SCFD2: variants seen among roughly 807,000 people sequenced by gnomAD.
SCFD2 encodes the protein sec1 family domain containing 2.
SCFD2 carries 54 observed loss-of-function variants against 58.9 expected under a neutral mutation model. The observed-to-expected ratio is 0.92, with a 90% CI of 0.74 to 1.15. The LOEUF is 1.15. Ranked by LOEUF, SCFD2 falls within the 50% of genes most tolerant of loss-of-function variation. The probability of loss-of-function intolerance (pLI) is 0.00; values close to 1 mark genes in which losing one functional copy is unlikely to be tolerated. For missense variants in SCFD2, 805 were observed against 836.6 expected (o/e 0.96, Z 0.47); for synonymous variants, 321 against 335.9 (o/e 0.96, Z 0.49).
chr4:53,225,985 A>G (rs1729200571), intron 4 of SCFD2, among the ~76,000 whole-genome samples: 1 of 152,138 alleles, frequency 6.6e-6, no homozygotes. Context: ...TTAACAGTAT[A>G]GAAATTTGAT....
chr4:53,242,900 C>A (rs1560406327), intron 4 of SCFD2, among the ~76,000 whole-genome samples: 1 of 152,204 alleles, frequency 6.6e-6, no homozygotes, highest in Middle Eastern at 3.4e-3. Context: ...TGAAGACAGG[C>A]TTTCTGAAAT....
chr4:53,254,527 T>C (rs1054114392), intron 4 of SCFD2, among the ~76,000 whole-genome samples: 1 of 151,464 alleles, frequency 6.6e-6, no homozygotes, highest in East Asian at 1.9e-4. Context: ...TTAGTAGAGA[T>C]GGGGTTTCAC....
chr4:53,211,646 T>C (rs1728616333), intron 4 of SCFD2, among the ~76,000 whole-genome samples: 1 of 152,072 alleles, frequency 6.6e-6, no homozygotes. Context: ...CCAAATTGGA[T>C]GATGCTCAGC....
rs1192562197 is a variant in SCFD2 at position 53,352,414 on chromosome 4, T to C, written c.1007+184A>G. 2.6e-5 allele frequency among the ~76,000 whole-genome samples: 4 copies of C among 152,238 alleles called. No homozygotes were observed. In the East Asian group the frequency reaches 5.8e-4, roughly 22 times the overall value. The stretch of plus-strand genomic sequence containing the variant: ...ATAAAATTCCATACTTTCTGGATTA[T>C]TATGTTTAGTGGATGTGGTTATTTC... On this transcript the variant is annotated intron_variant, in intron 2 of 8. Transcript: ENST00000401642.
chr4:53,298,319 G>A lies in SCFD2; in HGVS notation c.1135+15317C>T, dbSNP rs140336354. Among the ~76,000 whole-genome samples, 1,384 of 152,276 alleles carry A rather than the reference G, an allele frequency of 9.1e-3. 11 individuals carry two copies. Among genetic ancestry groups the A allele is most frequent in the Middle Eastern group, 0.085 (25 of 294 alleles). On this transcript the variant is annotated intron_variant, in intron 3 of 8. Coordinates refer to ENST00000401642, the MANE Select transcript of SCFD2 (RefSeq NM_152540.4). ...TTATATCCGGCACCTGGCTCAGAGG[G>A]TCCTATACCCATGGAGCCTCGCTCA...
intron 3 of SCFD2, among the ~76,000 whole-genome samples, chr4:53,303,524 C>A (rs1732405032): frequency 6.6e-6 from 1 of 152,248 alleles, no homozygotes; most frequent in South Asian, 2.1e-4. Flanking sequence ...CTAGTGCAAC[C>A]ATTGTGGAAG....
chr4:53,153,152 C>T (rs1726562613), intron 4 of SCFD2, among the ~76,000 whole-genome samples: 1 of 152,196 alleles, frequency 6.6e-6, no homozygotes, highest in Admixed American at 6.5e-5. Context: ...GAGAGTGTCC[C>T]AGTGTGGAAT....
intron 5 of SCFD2, among the ~76,000 whole-genome samples, chr4:52,984,700 G>T (rs910407541): frequency 6.6e-5 from 10 of 152,188 alleles, no homozygotes; most frequent in African/African-American, 2.4e-4. Context: ...GTCGGCAGAG[G>T]CCTGAAGTCA....
intron 5 of SCFD2, among the ~76,000 whole-genome samples, chr4:53,051,053 C>T (rs988709539): frequency 9.2e-5 from 14 of 152,148 alleles, no homozygotes; most frequent in Admixed American, 5.9e-4. Context: ...TGTTTTATTT[C>T]TGTCCATCTC....
At chr4:53,340,029 C>T (rs534406530) in intron 2 of SCFD2, among the ~76,000 whole-genome samples, 8 of 152,218 alleles carry the variant, frequency 5.3e-5, no homozygotes, top group Admixed American at 3.3e-4. Context: ...TCTACAGTTC[C>T]CAGTGAGAGC....
At chr4:53,017,195 T>C (rs1041922553) in intron 5 of SCFD2, among the ~76,000 whole-genome samples, 2 of 152,132 alleles carry the variant, frequency 1.3e-5, no homozygotes, top group African/African-American at 4.8e-5. Flanking sequence ...TATAACACAA[T>C]AGGCTATTTT....
At chr4:53,139,400 C>G (rs576447858) in intron 5 of SCFD2, among the ~76,000 whole-genome samples, 1 of 114,972 alleles carries the variant, frequency 8.7e-6, no homozygotes, top group African/African-American at 2.7e-5. Context: ...CGCCTCTTCC[C>G]GGCTGCCGGC....
intron 1 of SCFD2, among the ~76,000 whole-genome samples, chr4:53,358,829 A>G (rs552681261): frequency 2.3e-4 from 35 of 152,328 alleles, no homozygotes; most frequent in African/African-American, 7.2e-4. Context: ...TAAATCCTCT[A>G]TGCAAACATG....
At chr4:53,291,953 C>T (rs1731855379) in intron 3 of SCFD2, among the ~76,000 whole-genome samples, 1 of 151,962 alleles carries the variant, frequency 6.6e-6, no homozygotes, top group South Asian at 2.1e-4. Context: ...CAGACCCCTT[C>T]CTTATGCCTT....
At position 53,326,513 on chromosome 4, in the gene SCFD2, T is replaced by C. The variant is rs149063774; in HGVS notation, c.1008-12750A>G. ...CTTCCTTAACCTGATAAAAAAAAAA[T>C]CTACAAAAAGTCTACTGTGAACATC... On this transcript the variant is annotated intron_variant, in intron 2 of 8. Transcript: ENST00000401642. 8.9e-3 allele frequency among the ~76,000 whole-genome samples: 1,358 copies of C among 151,936 alleles called. 13 individuals are homozygous for C. Among genetic ancestry groups the C allele is most frequent in the Middle Eastern group, 0.048 (14 of 294 alleles).
chr4:53,208,457 A>G (rs149211498), intron 4 of SCFD2, among the ~76,000 whole-genome samples: 128 of 152,304 alleles, frequency 8.4e-4, no homozygotes, highest in African/African-American at 3.1e-3. Context: ...ACTCAGAACA[A>G]TCTGTGACAA....
At chr4:53,265,808 C>T (rs561861209) in intron 4 of SCFD2, among the ~76,000 whole-genome samples, 4 of 152,168 alleles carry the variant, frequency 2.6e-5, no homozygotes, top group South Asian at 2.1e-4. Flanking sequence ...GACGCAATTA[C>T]GGCTCACTGC....
At chr4:53,016,258 G>A (rs2148810866) in intron 5 of SCFD2, among the ~76,000 whole-genome samples, 1 of 152,302 alleles carries the variant, frequency 6.6e-6, no homozygotes, top group Middle Eastern at 3.4e-3. Context: ...TGTTGGTTTT[G>A]GAGATCCTAT....
chr4:53,103,475 T>G (rs1217653789), intron 5 of SCFD2, among the ~76,000 whole-genome samples: 1 of 151,544 alleles, frequency 6.6e-6, no homozygotes, highest in Non-Finnish European at 1.5e-5. Flanking sequence ...AAACAAATGT[T>G]TAGCTTAATC....
Sources: allele counts gnomAD v4.1 joint callset (sites outside exome capture counted in the v4.1 genomes callset), GRCh38; gene constraint gnomAD v4.1.1; transcripts MANE v1.5; gene names NCBI Gene and HGNC (gene_info 2026-07-23, HGNC 2026-07-21).